TAFA1: variants seen among roughly 807,000 people sequenced by gnomAD.
TAFA1 encodes the protein chemokine-like protein TAFA-1.
A neutral mutation model predicts 18.5 loss-of-function variants in TAFA1; 4 were observed. The ratio of observed to expected loss-of-function variants is 0.22; its 90% CI spans 0.11 to 0.49. The LOEUF (loss-of-function observed/expected upper bound fraction) is 0.49. Among genes scored for constraint, TAFA1 ranks in the 20% least tolerant of loss-of-function variants. The pLI is 0.98. For missense variants in TAFA1, 147 were observed against 169.0 expected, an observed-to-expected ratio of 0.87 and a Z score of 0.72; for synonymous variants, 56 against 55.2, an observed-to-expected ratio of 1.01 and a Z score of -0.06.
intron 2 of TAFA1, among the ~76,000 whole-genome samples, chr3:68,395,678 C>A (rs1052284079): frequency 6.6e-6 from 1 of 152,058 alleles, no homozygotes; most frequent in East Asian, 1.9e-4. Context: ...AAGCTGGAAA[C>A]CATCATTCTC....
At chr3:68,386,530 A>G (rs999319148) in intron 2 of TAFA1, among the ~76,000 whole-genome samples, 6 of 152,152 alleles carry the variant, frequency 3.9e-5, no homozygotes, top group East Asian at 1.9e-4. Context: ...TGCTATGCAC[A>G]TGATCTAGCC....
At chr3:68,466,677 A>C (rs1410078160) in intron 3 of TAFA1, among the ~76,000 whole-genome samples, 1 of 151,998 alleles carries the variant, frequency 6.6e-6, no homozygotes, top group Non-Finnish European at 1.5e-5. Context: ...GTCCTCTCGG[A>C]CCCTAATAGC....
At chr3:68,397,668 A>C (rs2070410164) in intron 2 of TAFA1, among the ~76,000 whole-genome samples, 1 of 152,104 alleles carries the variant, frequency 6.6e-6, no homozygotes, top group East Asian at 1.9e-4. Context: ...TAATCCTTTG[A>C]GTGTATACCC....
intron 1 of TAFA1, 52 bp downstream of exon 1, chr3:68,004,754 T>A (rs1342279628): frequency 1.3e-5 from 2 of 152,162 alleles, no homozygotes; most frequent in Non-Finnish European, 2.9e-5. Flanking sequence ...CTGAAACATA[T>A]CCAGGCATAT....
At chr3:68,178,141 C>T (rs909400877) in intron 2 of TAFA1, among the ~76,000 whole-genome samples, 2 of 142,950 alleles carry the variant, frequency 1.4e-5, no homozygotes, top group Non-Finnish European at 3.2e-5. Flanking sequence ...GAGACTCCAT[C>T]CCCCCCTCCC....
chr3:68,542,401 G>A (rs1371760883), intron 4 of TAFA1, among the ~76,000 whole-genome samples: 1 of 152,070 alleles, frequency 6.6e-6, no homozygotes, highest in African/African-American at 2.4e-5. Flanking sequence ...TTTTATTCTT[G>A]CAGTTTTAGA....
intron 2 of TAFA1, among the ~76,000 whole-genome samples, chr3:68,274,068 AG>A (rs1256887491): frequency 6.6e-6 from 1 of 152,166 alleles, no homozygotes; most frequent in East Asian, 1.9e-4. Context: ...AATGAGTGCA[AG>A]TCTTATTAAG....
At chr3:68,317,403 A>G (rs1024476692) in intron 2 of TAFA1, among the ~76,000 whole-genome samples, 11 of 152,174 alleles carry the variant, frequency 7.2e-5, no homozygotes, top group Admixed American at 5.9e-4. Context: ...CCTAAATCTA[A>G]GGCTAAAGAA....
intron 2 of TAFA1, among the ~76,000 whole-genome samples, chr3:68,387,723 T>C (rs559257493): frequency 1.3e-5 from 2 of 152,114 alleles, no homozygotes; most frequent in African/African-American, 2.4e-5. Context: ...TAGTCAAAGA[T>C]TCCCCATATG....
intron 3 of TAFA1, among the ~76,000 whole-genome samples, chr3:68,495,398 TTA>T (rs1448311223): frequency 1.3e-5 from 2 of 152,216 alleles, no homozygotes; most frequent in Non-Finnish European, 2.9e-5. Context: ...ATTGGAAGTA[TTA>T]TATGTTCTGC....
chr3:68,270,386 C>T (rs1345203960), intron 2 of TAFA1, among the ~76,000 whole-genome samples: 2 of 152,154 alleles, frequency 1.3e-5, no homozygotes, highest in Admixed American at 6.5e-5. Flanking sequence ...CAGAAGAAGA[C>T]AGAGCATCCT....
intron 3 of TAFA1, among the ~76,000 whole-genome samples, chr3:68,507,616 G>A (rs754144265): frequency 9.9e-5 from 15 of 152,016 alleles, no homozygotes; most frequent in Non-Finnish European, 1.8e-4. Context: ...CTCTAAAGTT[G>A]TTATATTTTC....
chr3:68,110,703 G>T (rs924619221), intron 2 of TAFA1, among the ~76,000 whole-genome samples: 1 of 152,134 alleles, frequency 6.6e-6, no homozygotes, highest in African/African-American at 2.4e-5. Flanking sequence ...GGACCAGGAG[G>T]ACTTGGTGAT....
chr3:68,489,893 G>A (rs1387315829), intron 3 of TAFA1, among the ~76,000 whole-genome samples: 1 of 152,182 alleles, frequency 6.6e-6, no homozygotes, highest in Non-Finnish European at 1.5e-5. Flanking sequence ...TATTGTGATT[G>A]TGAATCAAAT....
At chr3:68,007,401 A>G (rs1022133448) in intron 2 of TAFA1, among the ~76,000 whole-genome samples, 2 of 152,094 alleles carry the variant, frequency 1.3e-5, no homozygotes, top group African/African-American at 4.8e-5. Context: ...TAATGTTCAA[A>G]GTATATTTCT....
intron 2 of TAFA1, among the ~76,000 whole-genome samples, chr3:68,040,464 C>T (rs1444918141): frequency 6.6e-6 from 1 of 152,140 alleles, no homozygotes; most frequent in Admixed American, 6.5e-5. Context: ...TTTAATGACT[C>T]TGAAGCTCTA....
intron 2 of TAFA1, among the ~76,000 whole-genome samples, chr3:68,008,153 G>A (rs547458948): frequency 6.6e-6 from 1 of 152,354 alleles, no homozygotes; most frequent in Admixed American, 6.5e-5. Context: ...CTGCAGGTGG[G>A]CAGGGAAACC....
At chr3:68,194,957 A>G (rs541227902) in intron 2 of TAFA1, among the ~76,000 whole-genome samples, 3 of 151,786 alleles carry the variant, frequency 2.0e-5, no homozygotes, top group East Asian at 3.9e-4. Flanking sequence ...ATTTCTCTGT[A>G]GTAGTCAGTT....
chr3:68,292,888 C>G (rs1263143797), intron 2 of TAFA1, among the ~76,000 whole-genome samples: 1 of 152,098 alleles, frequency 6.6e-6, no homozygotes, highest in Non-Finnish European at 1.5e-5. Context: ...AACAAACAAA[C>G]AAACAAACAA....
Sources: gnomAD v4.1 joint callset for allele counts (sites outside exome capture counted in the v4.1 genomes callset) on GRCh38, gnomAD v4.1.1 for gene constraint, MANE v1.5 for transcripts, NCBI Gene and HGNC (gene_info 2026-07-23, HGNC 2026-07-21) for gene names.